CDH3: variants seen among roughly 807,000 people sequenced by gnomAD.
CDH3 encodes cadherin-3.
Under a neutral mutation model 82.0 loss-of-function variants are expected in CDH3, and 54 were observed. That is an observed-to-expected ratio of 0.66 (90% CI 0.53 to 0.83). The LOEUF is 0.83. CDH3 is among the 40% of genes least tolerant of loss of function. The pLI is 0.00. For synonymous variants in CDH3, 446 were observed against 437.9 expected (o/e 1.02, Z -0.23); for missense variants, 1,054 against 1,084.6 (o/e 0.97, Z 0.40).
chr16:68,680,010 A>C, intron 7 of CDH3, 36 bp downstream of exon 7: 1 of 1,595,172 alleles, frequency 6.3e-7, no homozygotes, highest in Non-Finnish European at 8.6e-7. Flanking sequence ...GCCTACCCAG[A>C]CTTGCCCAGG....
intron 2 of CDH3, among the ~76,000 whole-genome samples, chr16:68,659,561 CAG>C (rs1960502963): frequency 6.8e-6 from 1 of 147,928 alleles, no homozygotes; most frequent in South Asian, 2.1e-4. Context: ...GCCTGGGCAA[CAG>C]AGTGAGATGC....
downstream of CDH3, among the ~76,000 whole-genome samples, chr16:68,703,477 C>T (rs567610202): frequency 1.2e-4 from 19 of 152,312 alleles, no homozygotes; most frequent in Admixed American, 2.0e-4. Flanking sequence ...GTGTCCAGTT[C>T]GAAGCTTGCT....
At chr16:68,704,286 C>CAA (rs922482618), downstream of CDH3, among the ~76,000 whole-genome samples, 2 of 100,504 alleles carry the variant, frequency 2.0e-5, no homozygotes, top group African/African-American at 3.8e-5. Flanking sequence ...GACTTCGTCT[C>CAA]AAAAAAAAAA....
chr16:68,718,847 A>G (rs1962125030), intron 1 of CDH3, among the ~76,000 whole-genome samples: 1 of 152,228 alleles, frequency 6.6e-6, no homozygotes, highest in Non-Finnish European at 1.5e-5. Context: ...CTTTATTTAT[A>G]ATAGCCCCAA....
At chr16:68,685,465 C>A in intron 11 of CDH3, 115 bp downstream of exon 11, 2 of 1,102,682 alleles carry the variant, frequency 1.8e-6, no homozygotes, top group Non-Finnish European at 2.7e-6. Context: ...GGGCTATTTG[C>A]AAACCAATCC....
intron 7 of CDH3, among the ~76,000 whole-genome samples, chr16:68,680,299 G>A (rs1961182716): frequency 6.6e-6 from 1 of 152,232 alleles, no homozygotes; most frequent in African/African-American, 2.4e-5. Flanking sequence ...GGTCCCTTAT[G>A]TGCCACAAAG....
chr16:68,695,398 G>T lies in CDH3; in HGVS notation c.2133+13G>T, dbSNP rs1482066034. Reference sequence around the variant, plus strand: ...CGAAGAGGACCAGGTGGGGCACTGGGGGCTCTGGGATTGGGAGGTGGATGC... The same window carrying T: ...CGAAGAGGACCAGGTGGGGCACTGGTGGCTCTGGGATTGGGAGGTGGATGC... On this transcript the variant is annotated intron_variant, in intron 14 of 15. Transcript: ENST00000264012. 5.0e-6 allele frequency: 8 copies of T among 1,600,776 alleles called. No homozygotes were observed. The highest frequency in any genetic ancestry group is 1.7e-5 in the Admixed American group (1 of 57,226).
At chr16:68,709,553 G>A (rs961617417) in intron 1 of CDH3, among the ~76,000 whole-genome samples, 2 of 152,156 alleles carry the variant, frequency 1.3e-5, no homozygotes, top group Non-Finnish European at 2.9e-5. Context: ...CTGCCTCCCA[G>A]GTTCAAGCGA....
intron 7 of CDH3, 60 bp downstream of exon 7, chr16:68,680,034 CTG>C: frequency 6.6e-7 from 1 of 1,522,428 alleles, no homozygotes; most frequent in Non-Finnish European, 9.1e-7. Flanking sequence ...GGAACTGACT[CTG>C]AGAGCAGAAG....
At chr16:68,659,858 A>G (rs1960512927) in intron 2 of CDH3, among the ~76,000 whole-genome samples, 1 of 151,844 alleles carries the variant, frequency 6.6e-6, no homozygotes, top group Non-Finnish European at 1.5e-5. Flanking sequence ...AATTTTAAAA[A>G]CAAGAATTGG....
rs767155247 is a variant in CDH3, at chr16:68,679,851, C to G, written c.744C>G (p.Thr248=). The G allele has an allele frequency of 1.2e-6, 2 of 1,613,682 alleles. No homozygotes were observed. The highest frequency in any genetic ancestry group is 3.3e-5 in the Admixed American group (2 of 60,002). The change falls in exon 7 of 16, where the codon ACC becomes ACG. Residue 248 remains threonine, a synonymous_variant. Transcript: ENST00000264012. ...TATDEDDAIY[T]YNGVVAYSIH... ...CGGATGAGGATGATGCCATCTACAC[C>G]TACAATGGGGTGGTTGCTTACTCCA...
intron 2 of CDH3, among the ~76,000 whole-genome samples, chr16:68,658,090 G>T (rs1363897051): frequency 2.1e-5 from 3 of 145,058 alleles, no homozygotes; most frequent in Non-Finnish European, 3.0e-5. Flanking sequence ...TTTAGAGACA[G>T]GGTCTCACTA....
Position 68,689,557 on chromosome 16 carries a change from G to A in CDH3, c.1795+1821G>A, listed in dbSNP as rs28758927. Among the ~76,000 whole-genome samples, 166 of 29,166 alleles carry A rather than the reference G, an allele frequency of 5.7e-3. 2 individuals carry two copies. The highest frequency in any genetic ancestry group is 6.5e-3 in the Non-Finnish European group (72 of 11,004). The allele number at this position is 29,166 out of a possible 152,430, so 19.1% of individuals were successfully genotyped here. A position where few individuals can be genotyped will look rare whatever the true frequency, so the allele number is the denominator to read the frequency against. On this transcript the variant is annotated intron_variant, in intron 12 of 15. Coordinates refer to ENST00000264012, the MANE Select transcript of CDH3 (RefSeq NM_001793.6). Reference sequence around the variant, plus strand: ...TCTCAGAAAAATTAAAAAAAAAAAAGAAAGAAAGAAAAAGTGCCCATTTAG... The same window carrying A: ...TCTCAGAAAAATTAAAAAAAAAAAAAAAAGAAAGAAAAAGTGCCCATTTAG...
chr16:68,672,259 T>C (rs1960906175), intron 2 of CDH3, among the ~76,000 whole-genome samples: 2 of 42,634 alleles, frequency 4.7e-5, no homozygotes, highest in African/African-American at 9.5e-5. Flanking sequence ...ACCTTCATCA[T>C]TGGGAAAGGT....
At position 68,707,474 on chromosome 16, in the gene CDH3, T is replaced by C. The variant is rs958850898; in HGVS notation, c.99+11551T>C. Reference sequence around the variant, plus strand: ...GGATGCGGCAGGGCCTGTCGGGGCCTGTGGGCAGCTGCAGAGCTGGCAGGC... The same window carrying C: ...GGATGCGGCAGGGCCTGTCGGGGCCCGTGGGCAGCTGCAGAGCTGGCAGGC... On this transcript the variant is annotated intron_variant, in intron 1 of 2. Coordinates refer to the CDH3 transcript ENST00000569080. This position sits in a 1 kb window ranked among gnomAD's most constrained non-coding sequence, Gnocchi z 4.5. Among the ~76,000 whole-genome samples, 5 of 152,102 alleles carry C rather than the reference T, an allele frequency of 3.3e-5. No homozygotes were observed. Among genetic ancestry groups the C allele is most frequent in the African/African-American group, 9.7e-5 (4 of 41,408 alleles).
chr16:68,660,086 G>A (rs1317958267), intron 2 of CDH3, among the ~76,000 whole-genome samples: 2 of 152,270 alleles, frequency 1.3e-5, no homozygotes, highest in African/African-American at 2.4e-5. Context: ...GAAGTGTTTG[G>A]ATTTTTAGCA....
At chr16:68,710,209 G>C (rs978306033) in intron 1 of CDH3, among the ~76,000 whole-genome samples, 12 of 152,338 alleles carry the variant, frequency 7.9e-5, no homozygotes, top group Middle Eastern at 3.4e-3. Context: ...TATGGCCACA[G>C]CTCCTGTCAT....
chr16:68,733,469 A>T, the CDH3 span, among the ~76,000 whole-genome samples: 1 of 152,068 alleles, frequency 6.6e-6, no homozygotes, highest in Non-Finnish European at 1.5e-5. Flanking sequence ...GAGGGCAGGC[A>T]CAGTGGCTCA....
chr16:68,712,037 C>CTTTTTT (rs58452743), intron 1 of CDH3, among the ~76,000 whole-genome samples: 22 of 119,416 alleles, frequency 1.8e-4, no homozygotes, highest in East Asian at 5.0e-4. Context: ...TTTTTGTTTT[C>CTTTTTT]TTTTTTTTTT....
Sources: gnomAD v4.1 joint callset for allele counts (sites outside exome capture counted in the v4.1 genomes callset) on GRCh38, gnomAD v4.1.1 for gene constraint, Gnocchi (gnomAD v3.1) non-coding constraint, MANE v1.5 for transcripts, NCBI Gene and HGNC (gene_info 2026-07-23, HGNC 2026-07-21) for gene names.